The following AGAP1 variants were observed in gnomAD, a reference collection of about 807,000 sequenced individuals.
AGAP1 encodes the protein arf-GAP with GTPase, ANK repeat and PH domain-containing protein 1.
In AGAP1, 29 loss-of-function variants were observed where a neutral mutation model predicts 105.3. That is an observed-to-expected ratio of 0.28 (90% confidence interval 0.21 to 0.38). AGAP1 has a LOEUF of 0.38. AGAP1 is among the 10% of genes least tolerant of loss of function. AGAP1 has a pLI of 1.00. For missense variants in AGAP1, 998 were observed against 1,165.1 expected (o/e 0.86, Z 2.09); for synonymous variants, 509 against 485.9 (o/e 1.05, Z -0.63).
At chr2:235,907,404 G>C (rs757514058) in intron 10 of AGAP1, among the ~76,000 whole-genome samples, 1 of 151,550 alleles carries the variant, frequency 6.6e-6, no homozygotes, top group Non-Finnish European at 1.5e-5. Flanking sequence ...CTAGGAGTTG[G>C]ATACCAGCCT....
chr2:235,787,136 G>A lies in AGAP1; in HGVS notation c.674-10623G>A, dbSNP rs1956692090. On this transcript the variant is annotated intron_variant, in intron 6 of 17. Coordinates refer to ENST00000304032, the MANE Select transcript of AGAP1 (RefSeq NM_001037131.3). The surrounding 1 kb of genome is among the most constrained non-coding windows in gnomAD (Gnocchi z 4.4). ...CAGTGGGCTCCGGTTCTCACTTCTT[G>A]TCTTTGAGTTCTCAGGCTTCTCCCC... Among the ~76,000 whole-genome samples, 1 of 152,180 alleles carries A rather than the reference G, an allele frequency of 6.6e-6. No homozygotes were observed. Among genetic ancestry groups the A allele is most frequent in the South Asian group, 2.1e-4 (1 of 4,820 alleles).
chr2:235,761,491 C>T (rs145352630), intron 6 of AGAP1, among the ~76,000 whole-genome samples: 2,626 of 152,286 alleles, frequency 0.017, 35 homozygotes, highest in Non-Finnish European at 0.027. Flanking sequence ...CTCTGCACTG[C>T]GGTATCATAG....
At chr2:235,670,325 G>GCGGAGGGCGCCGAGGAAC in intron 1 of AGAP1, 1 of 480,590 alleles carries the variant, frequency 2.1e-6, no homozygotes, top group Non-Finnish European at 3.7e-6. Flanking sequence ...GGCCGAGGAG[G>GCGGAGGGCGCCGAGGAAC]CGGAGGGCGC....
chr2:236,036,081 G>A lies in AGAP1; in HGVS notation c.1646-480G>A, dbSNP rs1007211910. Among the ~76,000 whole-genome samples the A allele has an allele frequency of 6.6e-6, 1 of 152,076 alleles. No homozygotes were observed. The highest frequency in any genetic ancestry group is 2.1e-4 in the South Asian group (1 of 4,824). The stretch of plus-strand genomic sequence containing the variant: ...ACGTGGGAATTGATGCCTCTCCCAC[G>A]GTAACAGGTCCTCTGCCATAAAAGA... On this transcript the variant is annotated intron_variant, in intron 13 of 17. Coordinates refer to ENST00000304032, the MANE Select transcript of AGAP1 (RefSeq NM_001037131.3). The surrounding 1 kb of genome is among the most constrained non-coding windows in gnomAD (Gnocchi z 5.7).
chr2:235,670,903 C>A, intron 1 of AGAP1: 1 of 1,343,982 alleles, frequency 7.4e-7, no homozygotes. Context: ...TGCGCTTCTT[C>A]AGCGGCATCT....
In AGAP1 at chr2:235,979,888, G is replaced by T. The variant is rs1053381206; in HGVS notation, c.1645+11265G>T. 5.3e-5 allele frequency among the ~76,000 whole-genome samples: 8 copies of T among 152,152 alleles called. No homozygotes were observed. The highest frequency in any genetic ancestry group is 2.9e-5 in the Non-Finnish European group (2 of 68,030). ...TTTCGCTCTGCTTTTTCTTAAAAGT[G>T]CCTTTCTAGTTGCCACACAGTGATG... On this transcript the variant is annotated intron_variant, in intron 13 of 17. Coordinates refer to ENST00000304032, the MANE Select transcript of AGAP1 (RefSeq NM_001037131.3). The surrounding 1 kb of genome is among the most constrained non-coding windows in gnomAD (Gnocchi z 4.5).
At position 235,555,824 on chromosome 2, in the gene AGAP1, C is replaced by T. The variant is rs1448694897; in HGVS notation, c.163+60975C>T. On this transcript the variant is annotated intron_variant, in intron 1 of 17. Transcript: ENST00000304032. This position sits in a 1 kb window ranked among gnomAD's most constrained non-coding sequence, Gnocchi z 5.1. ...ACAGAAGTTAAATAGTGACTTGGTT[C>T]GGGGTCATGCCATGTGTGTGAGGCC... is the stretch of plus-strand genomic sequence containing the variant. Among the ~76,000 whole-genome samples the T allele has an allele frequency of 1.3e-5, 2 of 152,052 alleles. No homozygotes were observed. The highest frequency in any genetic ancestry group is 1.9e-4 in the East Asian group (1 of 5,186).
At chr2:235,529,351 CTT>C (rs1009928943) in intron 1 of AGAP1, among the ~76,000 whole-genome samples, 4 of 152,204 alleles carry the variant, frequency 2.6e-5, no homozygotes, top group African/African-American at 9.7e-5. Context: ...TTGGTGACCT[CTT>C]ATAATAATTT....
Position 235,551,494 on chromosome 2 carries a change from G to A in AGAP1, c.163+56645G>A, listed in dbSNP as rs1443731201. On this transcript the variant is annotated intron_variant, in intron 1 of 17. Coordinates refer to ENST00000304032, the MANE Select transcript of AGAP1 (RefSeq NM_001037131.3). This position sits in a 1 kb window ranked among gnomAD's most constrained non-coding sequence, Gnocchi z 4.8. ...CTGATTTTTTTTGTAGAGACGGGTC[G>A]TCCAGTGATACTCAGATTGGTCTCT... 4.6e-5 allele frequency among the ~76,000 whole-genome samples: 7 copies of A among 152,036 alleles called. No homozygotes were observed. The highest frequency in any genetic ancestry group is 3.4e-3 in the Middle Eastern group (1 of 292).
intron 9 of AGAP1, among the ~76,000 whole-genome samples, chr2:235,856,497 C>A (rs1039863944): frequency 2.0e-5 from 3 of 152,224 alleles, no homozygotes; most frequent in African/African-American, 7.2e-5. Context: ...AACTTGGGCC[C>A]TTGAGGTTCC....
intron 1 of AGAP1, among the ~76,000 whole-genome samples, chr2:235,706,257 C>T (rs999555513): frequency 1.3e-5 from 2 of 152,190 alleles, no homozygotes; most frequent in Non-Finnish European, 2.9e-5. Context: ...TGGAGTCTCG[C>T]TCTGTCGCCC....
In AGAP1 at chr2:235,691,074, G is replaced by C. The variant is rs1179853959; in HGVS notation, c.164-18105G>C. Among the ~76,000 whole-genome samples the C allele has an allele frequency of 1.3e-5, 2 of 152,156 alleles. No homozygotes were observed. Among genetic ancestry groups the C allele is most frequent in the East Asian group, 3.9e-4 (2 of 5,168 alleles). Reference sequence around the variant, plus strand: ...GTGCCAAGGTGGGGGTTGTAGACAAGATTCTACCCCCTCCTCCAGACTCTG... The same window carrying C: ...GTGCCAAGGTGGGGGTTGTAGACAACATTCTACCCCCTCCTCCAGACTCTG... On this transcript the variant is annotated intron_variant, in intron 1 of 17. Coordinates refer to ENST00000304032, the MANE Select transcript of AGAP1 (RefSeq NM_001037131.3). This position sits in a 1 kb window ranked among gnomAD's most constrained non-coding sequence, Gnocchi z 4.4.
chr2:235,619,273 A>G (rs1002629247), intron 1 of AGAP1, among the ~76,000 whole-genome samples: 2 of 152,212 alleles, frequency 1.3e-5, no homozygotes, highest in African/African-American at 4.8e-5. Flanking sequence ...AAGGAAACCA[A>G]CACTCAGAGA....
At position 235,818,479 on chromosome 2, in the gene AGAP1, G is replaced by A. The variant is rs146256710; in HGVS notation, c.1050+11148G>A. Among the ~76,000 whole-genome samples the A allele has an allele frequency of 2.9e-3, 440 of 152,252 alleles. 2 individuals are homozygous for A. The highest frequency in any genetic ancestry group is 0.02 in the East Asian group (104 of 5,170). On this transcript the variant is annotated intron_variant, in intron 9 of 17. Coordinates refer to ENST00000304032, the MANE Select transcript of AGAP1 (RefSeq NM_001037131.3). ...GTTTGTTTTGAGACAGTCTTGCTCT[G>A]TCACCCAGGCTAGAGTGCAATGGCA...
intron 16 of AGAP1, among the ~76,000 whole-genome samples, chr2:236,063,618 C>T (rs896494180): frequency 2.0e-5 from 3 of 152,216 alleles, no homozygotes; most frequent in African/African-American, 7.2e-5. Context: ...TGATTGATTT[C>T]TAGGCTGGCC....
In AGAP1 at chr2:236,124,418, C is replaced by T. The variant is rs2059971548; in HGVS notation, c.*296C>T. 2 of 436,494 alleles carry T rather than the reference C, an allele frequency of 4.6e-6. No individual in the cohort carries two copies. The highest frequency in any genetic ancestry group is 2.0e-5 in the African/African-American group (1 of 50,282). The allele number at this position is 436,494 out of a possible 1,614,324, so 27.0% of individuals were successfully genotyped here. A position where few individuals can be genotyped will look rare whatever the true frequency, so the allele number is the denominator to read the frequency against. On this transcript the variant is annotated 3_prime_UTR_variant, in exon 18 of 18. Coordinates refer to ENST00000304032, the MANE Select transcript of AGAP1 (RefSeq NM_001037131.3). This position sits in a 1 kb window ranked among gnomAD's most constrained non-coding sequence, Gnocchi z 5.1. ...TTGATGATAGCACATGGCGCAGGAC[C>T]CTTGTCCTGGTGGCACAAGGGATGG...
At chr2:235,987,169 A>C (rs2125435362) in intron 13 of AGAP1, among the ~76,000 whole-genome samples, 1 of 151,568 alleles carries the variant, frequency 6.6e-6, no homozygotes, top group Non-Finnish European at 1.5e-5. Flanking sequence ...TTACTGCCTC[A>C]GTTTCAGAAT....
Position 236,051,229 on chromosome 2 carries a change from C to G in AGAP1, c.2114+1948C>G, listed in dbSNP as rs112495278. 4.6e-5 allele frequency among the ~76,000 whole-genome samples: 7 copies of G among 152,154 alleles called. No homozygotes were observed. Among genetic ancestry groups the G allele is most frequent in the African/African-American group, 1.7e-4 (7 of 41,410 alleles). On this transcript the variant is annotated intron_variant, in intron 16 of 17. Coordinates refer to ENST00000304032, the MANE Select transcript of AGAP1 (RefSeq NM_001037131.3). This position sits in a 1 kb window ranked among gnomAD's most constrained non-coding sequence, Gnocchi z 5.9. ...TTGCACCTAAGAAGATAAACACATACGAGAACTGAATATTTCTTTGTGCCT... is the reference window on the plus strand; with the variant it reads ...TTGCACCTAAGAAGATAAACACATAGGAGAACTGAATATTTCTTTGTGCCT...
intron 1 of AGAP1, among the ~76,000 whole-genome samples, chr2:235,658,512 G>C (rs1034008778): frequency 2.0e-5 from 3 of 152,168 alleles, no homozygotes; most frequent in Non-Finnish European, 4.4e-5. Context: ...CGGGGGTCGA[G>C]GTCAAGAGTC....
Sources: gnomAD v4.1 joint callset for allele counts (sites outside exome capture counted in the v4.1 genomes callset) on GRCh38, gnomAD v4.1.1 for gene constraint, Gnocchi (gnomAD v3.1) non-coding constraint, MANE v1.5 for transcripts, NCBI Gene and HGNC (gene_info 2026-07-23, HGNC 2026-07-21) for gene names.